The following GPC5 variants were observed in gnomAD, a reference collection of about 807,000 sequenced individuals.
The protein encoded by GPC5 is glypican 5.
GPC5 carries 47 observed loss-of-function variants against 53.9 expected under a neutral mutation model. The ratio of observed to expected loss-of-function variants is 0.87; its 90% CI spans 0.69 to 1.11. GPC5 has a LOEUF of 1.11. GPC5 is among the 50% of genes most tolerant of loss of function. The pLI is 0.00. For synonymous variants in GPC5, 286 were observed against 263.3 expected, an observed-to-expected ratio of 1.09 and a Z score of -0.84; for missense variants, 748 against 713.1, an observed-to-expected ratio of 1.05 and a Z score of -0.56.
chr13:92,051,756 C>A (rs1021746788), intron 6 of GPC5, among the ~76,000 whole-genome samples: 2 of 152,150 alleles, frequency 1.3e-5, no homozygotes, highest in Admixed American at 6.5e-5. Flanking sequence ...AAAGCCAGAG[C>A]CCCTCTCATA....
chr13:92,851,399 A>G (rs1322506524), intron 7 of GPC5, among the ~76,000 whole-genome samples: 1 of 152,164 alleles, frequency 6.6e-6, no homozygotes, highest in Non-Finnish European at 1.5e-5. Context: ...AAGACGCTGG[A>G]AGAGTCTTCT....
chr13:92,288,844 T>A (rs2042974752), intron 7 of GPC5, among the ~76,000 whole-genome samples: 1 of 152,266 alleles, frequency 6.6e-6, no homozygotes, highest in East Asian at 1.9e-4. Context: ...TTGATAACAG[T>A]TTCCCAAGAC....
At chr13:91,689,906 A>G (rs561142118) in intron 2 of GPC5, among the ~76,000 whole-genome samples, 11 of 152,336 alleles carry the variant, frequency 7.2e-5, no homozygotes, top group Non-Finnish European at 1.5e-4. Flanking sequence ...ATAGTATGGT[A>G]AACACCCAGT....
intron 7 of GPC5, among the ~76,000 whole-genome samples, chr13:92,757,141 T>C (rs1594484558): frequency 6.6e-6 from 1 of 151,774 alleles, no homozygotes; most frequent in South Asian, 2.1e-4. Context: ...GAGATATAGA[T>C]CAATGGAACA....
At chr13:91,904,940 T>C (rs1043074264) in intron 5 of GPC5, among the ~76,000 whole-genome samples, 1 of 152,012 alleles carries the variant, frequency 6.6e-6, no homozygotes, top group Non-Finnish European at 1.5e-5. Context: ...GCATTAGCAA[T>C]CTTGCTGCCC....
At chr13:91,769,492 A>G (rs1413294041) in intron 5 of GPC5, among the ~76,000 whole-genome samples, 3 of 152,150 alleles carry the variant, frequency 2.0e-5, no homozygotes, top group East Asian at 3.9e-4. Flanking sequence ...TGTTAGATTG[A>G]GTATCCAGGA....
intron 2 of GPC5, among the ~76,000 whole-genome samples, chr13:91,662,092 C>T (rs866313579): frequency 2.6e-5 from 4 of 152,002 alleles, no homozygotes; most frequent in Middle Eastern, 3.4e-3. Context: ...ATGAGATCAT[C>T]AAAAAGTGAG....
chr13:92,228,826 G>A (rs1250081765), intron 7 of GPC5, among the ~76,000 whole-genome samples: 1 of 152,040 alleles, frequency 6.6e-6, no homozygotes, highest in African/African-American at 2.4e-5. Flanking sequence ...AACCAAGCAT[G>A]GTCCCAGGAT....
At chr13:92,187,593 C>T (rs188480640) in intron 7 of GPC5, among the ~76,000 whole-genome samples, 217 of 152,304 alleles carry the variant, frequency 1.4e-3, no homozygotes, top group African/African-American at 5.1e-3. Context: ...TGGCACTGCA[C>T]CCCTCACTGT....
intron 6 of GPC5, among the ~76,000 whole-genome samples, chr13:92,105,513 A>G (rs933120162): frequency 6.6e-6 from 1 of 152,082 alleles, no homozygotes; most frequent in Non-Finnish European, 1.5e-5. Flanking sequence ...CTTGAAAATA[A>G]GCACTCTCTT....
intron 5 of GPC5, among the ~76,000 whole-genome samples, chr13:91,841,393 A>T (rs1368427606): frequency 1.3e-5 from 2 of 150,546 alleles, no homozygotes; most frequent in Non-Finnish European, 1.5e-5. Context: ...TTAGGCCAGC[A>T]AAGAGGTCTT....
Position 92,477,037 on chromosome 13 carries a change from AGTATAAT to A in GPC5, c.1561+332049_1561+332055del, listed in dbSNP as rs540850923. Among the ~76,000 whole-genome samples, 453 of 142,418 alleles carry A rather than the reference AGTATAAT, an allele frequency of 3.2e-3. 4 individuals are homozygous for A. The highest frequency in any genetic ancestry group is 0.011 in the African/African-American group (413 of 36,986). 93.4% of individuals were successfully genotyped at this position (142,418 alleles called of 152,430 possible). A position where few individuals can be genotyped will look rare whatever the true frequency, so the allele number is the denominator to read the frequency against. On this transcript the variant is annotated intron_variant, in intron 7 of 7. Coordinates refer to ENST00000377067, the MANE Select transcript of GPC5 (RefSeq NM_004466.6). Reference sequence around the variant, plus strand: ...TGTGCACATGTACCCTAAAACTTAAAGTATAATAATAAAAAATAAATAAATAAATAAA... The same window carrying A: ...TGTGCACATGTACCCTAAAACTTAAAAATAAAAAATAAATAAATAAATAAA...
chr13:91,871,341 G>A (rs957217956), intron 5 of GPC5, among the ~76,000 whole-genome samples: 2 of 152,150 alleles, frequency 1.3e-5, no homozygotes, highest in Non-Finnish European at 2.9e-5. Context: ...AACAGACACC[G>A]GGGTCTACTT....
intron 1 of GPC5, among the ~76,000 whole-genome samples, chr13:91,431,595 T>C (rs188091396): frequency 3.3e-5 from 5 of 152,354 alleles, no homozygotes; most frequent in Admixed American, 3.3e-4. Flanking sequence ...GATTATACTC[T>C]GTGTTACAAT....
At chr13:92,467,973 AC>A (rs1196966936) in intron 7 of GPC5, among the ~76,000 whole-genome samples, 1 of 152,168 alleles carries the variant, frequency 6.6e-6, no homozygotes, top group Admixed American at 6.6e-5. Flanking sequence ...TCCTGGACCA[AC>A]GAACTCAGAG....
chr13:92,154,102 G>T lies in GPC5; in HGVS notation c.1561+9113G>T, dbSNP rs544263745. 2.0e-5 allele frequency among the ~76,000 whole-genome samples: 3 copies of T among 152,288 alleles called. No individual in the cohort carries two copies. The East Asian group carries it at 5.8e-4, about 29-fold the overall frequency. On this transcript the variant is annotated intron_variant, in intron 7 of 7. Coordinates refer to ENST00000377067, the MANE Select transcript of GPC5 (RefSeq NM_004466.6). ...GAGGCCTCAGGAGGCTTACAAACTG[G>T]TGGGAGACAAAGGGAGTGCCAGTGT...
At chr13:92,268,369 C>A (rs9589475) in intron 7 of GPC5, among the ~76,000 whole-genome samples, 8,937 of 130,052 alleles carry the variant, frequency 0.069, 301 homozygotes, top group African/African-American at 0.11. Flanking sequence ...TTTTTTTTCT[C>A]ATGGAAAAAT....
At chr13:91,440,324 T>G (rs1880327468) in intron 1 of GPC5, among the ~76,000 whole-genome samples, 1 of 152,214 alleles carries the variant, frequency 6.6e-6, no homozygotes, top group African/African-American at 2.4e-5. Context: ...TCTGTCTTCT[T>G]CAGATCACAT....
chr13:91,663,618 T>A (rs1040844519), intron 2 of GPC5, among the ~76,000 whole-genome samples: 2 of 151,684 alleles, frequency 1.3e-5, no homozygotes, highest in Non-Finnish European at 2.9e-5. Context: ...CCACCACACC[T>A]GGCTAATTAA....
Sources: allele counts gnomAD v4.1 joint callset (sites outside exome capture counted in the v4.1 genomes callset), GRCh38; gene constraint gnomAD v4.1.1; transcripts MANE v1.5; gene names NCBI Gene and HGNC (gene_info 2026-07-23, HGNC 2026-07-21).